The following ZFYVE9 variants were observed in gnomAD, a reference collection of about 807,000 sequenced individuals.
ZFYVE9 encodes the protein zinc finger FYVE-type containing 9.
ZFYVE9 carries 43 observed loss-of-function variants against 126.7 expected under a neutral mutation model. The ratio of observed to expected loss-of-function variants is 0.34; its 90% CI spans 0.27 to 0.44. The LOEUF (loss-of-function observed/expected upper bound fraction) is 0.44, where lower values mean the gene tolerates loss of function less well. Among genes scored for constraint, ZFYVE9 ranks in the 20% least tolerant of loss-of-function variants. ZFYVE9 has a pLI of 1.00. For synonymous variants in ZFYVE9, 521 were observed against 597.4 expected, an observed-to-expected ratio of 0.87 and a Z score of 1.87; for missense variants, 1,476 against 1,697.0, an observed-to-expected ratio of 0.87 and a Z score of 2.29.
intron 10 of ZFYVE9, among the ~76,000 whole-genome samples, chr1:52,282,345 C>T (rs1645813427): frequency 6.6e-6 from 1 of 152,094 alleles, no homozygotes; most frequent in African/African-American, 2.4e-5. Context: ...AAAAGAAACA[C>T]ATTATTTGAC....
At chr1:52,271,889 G>A (rs902651811) in intron 7 of ZFYVE9, among the ~76,000 whole-genome samples, 1 of 151,978 alleles carries the variant, frequency 6.6e-6, no homozygotes, top group African/African-American at 2.4e-5. Context: ...GTCCAGGCTG[G>A]AGTGCAGTGG....
chr1:52,316,103 T>A (rs1646181107), intron 13 of ZFYVE9, among the ~76,000 whole-genome samples: 1 of 126,542 alleles, frequency 7.9e-6, no homozygotes, highest in Non-Finnish European at 1.6e-5. Context: ...AGGCAGAGGT[T>A]GCAGTGAGCC....
intron 4 of ZFYVE9, among the ~76,000 whole-genome samples, chr1:52,250,819 C>T (rs1382828837): frequency 6.6e-6 from 1 of 151,482 alleles, no homozygotes; most frequent in African/African-American, 2.4e-5. Context: ...AAGGTATCCT[C>T]CCACCTCAGC....
chr1:52,264,932 T>C (rs1645617708), intron 5 of ZFYVE9, among the ~76,000 whole-genome samples: 1 of 152,254 alleles, frequency 6.6e-6, no homozygotes, highest in Non-Finnish European at 1.5e-5. Flanking sequence ...TTTCACTTGG[T>C]TGCTCAATTG....
At chr1:52,344,375 C>G (rs1277615734) in intron 17 of ZFYVE9, among the ~76,000 whole-genome samples, 1 of 152,218 alleles carries the variant, frequency 6.6e-6, no homozygotes, top group African/African-American at 2.4e-5. Flanking sequence ...AGCTGGGTCA[C>G]GTCAGCTATA....
chr1:52,260,855 A>G (rs1339013271), intron 4 of ZFYVE9, among the ~76,000 whole-genome samples: 1 of 152,178 alleles, frequency 6.6e-6, no homozygotes, highest in Non-Finnish European at 1.5e-5. Context: ...CCATTGCTCT[A>G]TTAAAAAGGT....
chr1:52,221,487 T>A lies in ZFYVE9; in HGVS notation c.-37+5013T>A, dbSNP rs1645124104. 3.9e-5 allele frequency among the ~76,000 whole-genome samples: 6 copies of A among 152,238 alleles called. No individual in the cohort carries two copies. In the South Asian group the frequency reaches 1.2e-3, roughly 31 times the overall value. The stretch of plus-strand genomic sequence containing the variant: ...AGATAACTTCATATTTTAAAATTCT[T>A]GAGTCAGTAAGCCATCTCTCTGCCT... On this transcript the variant is annotated intron_variant, in intron 2 of 18. Coordinates refer to ENST00000287727, the MANE Select transcript of ZFYVE9 (RefSeq NM_004799.4).
chr1:52,258,409 G>A (rs1327784049), intron 4 of ZFYVE9, among the ~76,000 whole-genome samples: 1 of 152,160 alleles, frequency 6.6e-6, no homozygotes, highest in Non-Finnish European at 1.5e-5. Flanking sequence ...TTGTCAGAAT[G>A]ACTGAGGTTG....
intron 15 of ZFYVE9, among the ~76,000 whole-genome samples, chr1:52,335,830 G>A (rs1239198524): frequency 6.6e-6 from 1 of 152,174 alleles, no homozygotes; most frequent in African/African-American, 2.4e-5. Context: ...CCAAAGCTCT[G>A]TGTAAAAACA....
In ZFYVE9 at chr1:52,312,053, AG is replaced by A. The variant is rs548885919; in HGVS notation, c.3438+8129del. ...TGATCTGTCCACATCAGCCTCCCAA[AG>A]AGCTGGGATTACAGACATGAGCCAC... is the stretch of plus-strand genomic sequence containing the variant. On this transcript the variant is annotated intron_variant, in intron 13 of 18. Transcript: ENST00000287727. Among the ~76,000 whole-genome samples, 21 of 152,246 alleles carry A rather than the reference AG, an allele frequency of 1.4e-4. No homozygotes were observed. In the South Asian group the frequency reaches 2.3e-3, roughly 17 times the overall value.
At chr1:52,255,633 C>T (rs1050148336) in intron 4 of ZFYVE9, among the ~76,000 whole-genome samples, 1 of 151,848 alleles carries the variant, frequency 6.6e-6, no homozygotes, top group Non-Finnish European at 1.5e-5. Flanking sequence ...TGGCTCATGC[C>T]TGTAATCCCA....
intron 3 of ZFYVE9, among the ~76,000 whole-genome samples, chr1:52,234,364 G>A (rs1174765663): frequency 1.3e-5 from 2 of 152,212 alleles, no homozygotes; most frequent in African/African-American, 4.8e-5. Flanking sequence ...GGGAGGCAAA[G>A]GAGGGAGAAT....
In ZFYVE9 at chr1:52,270,019, C is replaced by T. The variant is rs78887749; in HGVS notation, c.2625+1387C>T. ...GTACAGTGAATACCCATATACTCTT[C>T]ACCTATCTTCATCAACTTAACCATT... On this transcript the variant is annotated intron_variant, in intron 7 of 18. Coordinates refer to ENST00000287727, the MANE Select transcript of ZFYVE9 (RefSeq NM_004799.4). Among the ~76,000 whole-genome samples the T allele has an allele frequency of 1.0e-3, 158 of 151,950 alleles. 2 individuals carry two copies. The highest frequency in any genetic ancestry group is 3.6e-3 in the African/African-American group (148 of 41,536).
intron 13 of ZFYVE9, among the ~76,000 whole-genome samples, chr1:52,330,365 A>T (rs186299449): frequency 6.6e-6 from 1 of 152,168 alleles, no homozygotes; most frequent in Admixed American, 6.6e-5. Flanking sequence ...AACAAGAGCG[A>T]AACTCCATCT....
intron 18 of ZFYVE9, among the ~76,000 whole-genome samples, chr1:52,345,204 AG>A (rs986938614): frequency 6.6e-6 from 1 of 152,124 alleles, no homozygotes; most frequent in Non-Finnish European, 1.5e-5. Context: ...TGGGGTAAAG[AG>A]GGGAGCATGT....
chr1:52,322,444 C>T (rs1421738808), intron 13 of ZFYVE9, among the ~76,000 whole-genome samples: 2 of 144,070 alleles, frequency 1.4e-5, no homozygotes, highest in Non-Finnish European at 3.0e-5. Flanking sequence ...ATGGCGCGAT[C>T]TCGGCTCACT....
chr1:52,166,555 C>T (rs191393113), intron 1 of ZFYVE9, among the ~76,000 whole-genome samples: 12 of 152,256 alleles, frequency 7.9e-5, no homozygotes, highest in African/African-American at 2.9e-4. Context: ...CTATATCCTT[C>T]ATGATTTTTC....
At chr1:52,186,807 A>G (rs184711211) in intron 1 of ZFYVE9, among the ~76,000 whole-genome samples, 7 of 152,334 alleles carry the variant, frequency 4.6e-5, no homozygotes, top group Admixed American at 4.6e-4. Context: ...ATATTGCTCA[A>G]AGAAATCAGA....
chr1:52,142,580 T>TG lies in ZFYVE9; in HGVS notation c.-143+183dup, dbSNP rs1644269014. On this transcript the variant is annotated intron_variant, in intron 1 of 18. Coordinates refer to ENST00000287727, the MANE Select transcript of ZFYVE9 (RefSeq NM_004799.4). The surrounding 1 kb of genome is among the most constrained non-coding windows in gnomAD (Gnocchi z 4.5). Reference sequence around the variant, plus strand: ...GCGTCCCCCGGGAGGCTGAAGGCCGTGGGGGGCGATTAGGCCCCGCGCCGT... The same window carrying TG: ...GCGTCCCCCGGGAGGCTGAAGGCCGTGGGGGGGCGATTAGGCCCCGCGCCGT... Among the ~76,000 whole-genome samples, 3 of 152,112 alleles carry TG rather than the reference T, an allele frequency of 2.0e-5. No individual in the cohort carries two copies. Among genetic ancestry groups the TG allele is most frequent in the Admixed American group, 6.5e-5 (1 of 15,300 alleles).
Sources: gnomAD v4.1 joint callset for allele counts (sites outside exome capture counted in the v4.1 genomes callset) on GRCh38, gnomAD v4.1.1 for gene constraint, Gnocchi (gnomAD v3.1) non-coding constraint, MANE v1.5 for transcripts, NCBI Gene and HGNC (gene_info 2026-07-23, HGNC 2026-07-21) for gene names.